SLCO1C1: variants seen among roughly 807,000 people sequenced by gnomAD.
SLCO1C1 encodes the protein solute carrier organic anion transporter family member 1C1, also known as OAT-RP-5.
Under a neutral mutation model 76.4 loss-of-function variants are expected in SLCO1C1, and 70 were observed. The ratio of observed to expected loss-of-function variants is 0.92; its 90% confidence interval spans 0.76 to 1.12. The LOEUF is 1.12. SLCO1C1 is among the 50% of genes most tolerant of loss of function. The pLI is 0.00. For synonymous variants in SLCO1C1, 306 were observed against 286.1 expected, an observed-to-expected ratio of 1.07 and a Z score of -0.70; for missense variants, 912 against 823.8, an observed-to-expected ratio of 1.11 and a Z score of -1.31.
chr12:20,720,524 G>A (rs1947611917), intron 7 of SLCO1C1, among the ~76,000 whole-genome samples: 1 of 152,208 alleles, frequency 6.6e-6, no homozygotes, highest in South Asian at 2.1e-4. Flanking sequence ...TTCATAGGAG[G>A]AGGTCAAAAT....
Position 20,699,536 on chromosome 12 carries a change from A to C in SLCO1C1, c.-25-16A>C. The C allele has an allele frequency of 6.5e-7, 1 of 1,539,366 alleles. No homozygotes were observed. Among genetic ancestry groups the C allele is most frequent in the Non-Finnish European group, 8.7e-7 (1 of 1,149,680 alleles). On this transcript the variant is annotated splice_polypyrimidine_tract_variant and intron_variant, in intron 1 of 14. Transcript: ENST00000266509. ...TAGTATTTATTTATTTTTACTTTAA[A>C]AACTAACTTTGACAGATCAGAGTCA...
At chr12:20,751,791 G>A (rs1949320554) in intron 14 of SLCO1C1, among the ~76,000 whole-genome samples, 3 of 152,096 alleles carry the variant, frequency 2.0e-5, no homozygotes, top group Non-Finnish European at 4.4e-5. Flanking sequence ...GGTTTCTCAT[G>A]AAATAAACTG....
chr12:20,708,344 CA>C (rs1356180194), intron 4 of SLCO1C1, among the ~76,000 whole-genome samples: 1 of 151,896 alleles, frequency 6.6e-6, no homozygotes, highest in African/African-American at 2.4e-5. Flanking sequence ...TTTTTCTAGG[CA>C]GTAAAGAAAG....
At chr12:20,724,409 GTGTATATATATATATATA>G (rs1315329574) in intron 9 of SLCO1C1, among the ~76,000 whole-genome samples, 81 of 65,528 alleles carry the variant, frequency 1.2e-3, no homozygotes, top group African/African-American at 3.6e-3. Context: ...GTGTGTGTGT[GTGTATATATATATATATA>G]TATATATATA....
intron 14 of SLCO1C1, chr12:20,751,032 CAA>C: frequency 1.3e-6 from 1 of 748,266 alleles, no homozygotes; most frequent in Non-Finnish European, 2.1e-6. Context: ...TAAAATATGA[CAA>C]AAGTGTCCAG....
At chr12:20,698,176 TTAA>T (rs1474708533) in intron 1 of SLCO1C1, among the ~76,000 whole-genome samples, 2 of 152,200 alleles carry the variant, frequency 1.3e-5, no homozygotes, top group East Asian at 3.9e-4. Flanking sequence ...TTTTATCTCA[TTAA>T]TATTATGTAT....
At chr12:20,747,202 A>C (rs1949085798) in intron 13 of SLCO1C1, among the ~76,000 whole-genome samples, 1 of 152,114 alleles carries the variant, frequency 6.6e-6, no homozygotes, top group Non-Finnish European at 1.5e-5. Flanking sequence ...AGGCGGGTGG[A>C]TATCTTGAGG....
intron 12 of SLCO1C1, 140 bp downstream of exon 12, chr12:20,740,508 T>C: frequency 1.4e-6 from 1 of 727,520 alleles, no homozygotes; most frequent in Non-Finnish European, 2.2e-6. Flanking sequence ...TTCACTTTTA[T>C]ATATATCGCA....
At chr12:20,713,665 C>T (rs946653654) in intron 5 of SLCO1C1, among the ~76,000 whole-genome samples, 26 of 152,132 alleles carry the variant, frequency 1.7e-4, no homozygotes, top group African/African-American at 6.3e-4. Flanking sequence ...CCTCATCTCC[C>T]CTGCAACAAT....
At chr12:20,740,477 A>T in intron 12 of SLCO1C1, 109 bp downstream of exon 12, 1 of 972,428 alleles carries the variant, frequency 1.0e-6, no homozygotes, top group Non-Finnish European at 1.5e-6. Flanking sequence ...TTTTTTCAAG[A>T]AACTTGTCCC....
intron 12 of SLCO1C1, 92 bp downstream of exon 12, chr12:20,740,460 C>A: frequency 8.5e-7 from 1 of 1,179,886 alleles, no homozygotes; most frequent in Non-Finnish European, 1.2e-6. Flanking sequence ...TCTATGATTC[C>A]TCTTAGTTTT....
At position 20,740,785 on chromosome 12, in the gene SLCO1C1, ATT is replaced by A. The variant is rs1491284621; in HGVS notation, c.1733+419_1733+420del. Among the ~76,000 whole-genome samples, 171 of 86,068 alleles carry A rather than the reference ATT, an allele frequency of 2.0e-3. 9 individuals are homozygous for A. In the South Asian group the frequency reaches 0.032, roughly 16 times the overall value. 56.5% of individuals were successfully genotyped at this position (86,068 alleles called of 152,430 possible). A position where few individuals can be genotyped will look rare whatever the true frequency, so the allele number is the denominator to read the frequency against. On this transcript the variant is annotated intron_variant, in intron 12 of 14. Transcript: ENST00000266509. The stretch of plus-strand genomic sequence containing the variant: ...ATACAACAATGTTAGAATTTATTTT[ATT>A]TATATATATATATATATATATATAT...
At position 20,737,084 on chromosome 12, in the gene SLCO1C1, T is replaced by C. The variant is rs1252533248; in HGVS notation, c.1383-23T>C. On this transcript the variant is annotated intron_variant, in intron 10 of 14. Coordinates refer to ENST00000266509, the MANE Select transcript of SLCO1C1 (RefSeq NM_017435.5). ...TGCTACCTGCTAAGAGGTAATATTT[T>C]ATATTGTTATATTTCTTTTCAGAAC... The C allele has an allele frequency of 7.5e-6, 11 of 1,473,138 alleles. No homozygotes were observed. In the African/African-American group the frequency reaches 1.0e-4, roughly 14 times the overall value. 91.3% of individuals were successfully genotyped at this position (1,473,138 alleles called of 1,614,324 possible). A position where few individuals can be genotyped will look rare whatever the true frequency, so the allele number is the denominator to read the frequency against.
In SLCO1C1 at chr12:20,717,648, CTTTTTTTTTTTTT is replaced by C. The variant is rs534946900; in HGVS notation, c.775+450_775+462del. ...GTCTACTGGCAACCAAACAGCCCTT[CTTTTTTTTTTTTT>C]TTTTTTTTTTTTTTTTTTTTTTTTT... On this transcript the variant is annotated intron_variant, in intron 7 of 14. Transcript: ENST00000266509. Among the ~76,000 whole-genome samples the C allele has an allele frequency of 3.5e-4, 15 of 42,272 alleles. No homozygotes were observed. In the South Asian group the frequency reaches 5.0e-3, roughly 14 times the overall value. The allele number at this position is 42,272 out of a possible 152,430, so 27.7% of individuals were successfully genotyped here.
intron 11 of SLCO1C1, among the ~76,000 whole-genome samples, 164 bp from the exon 12 acceptor site, chr12:20,740,020 A>G (rs1304328945): frequency 1.3e-5 from 2 of 152,246 alleles, no homozygotes; most frequent in Non-Finnish European, 2.9e-5. Flanking sequence ...TGTTGTATCT[A>G]TATAGATTTT....
chr12:20,728,879 G>T (rs978717365), intron 9 of SLCO1C1, among the ~76,000 whole-genome samples: 1 of 151,926 alleles, frequency 6.6e-6, no homozygotes. Flanking sequence ...ATAATAAAAT[G>T]TAACAACAAT....
chr12:20,721,802 A>T lies in SLCO1C1; in HGVS notation c.776-2A>T. 2 of 1,613,906 alleles carry T rather than the reference A, an allele frequency of 1.2e-6. No homozygotes were observed. The highest frequency in any genetic ancestry group is 1.7e-6 in the Non-Finnish European group (2 of 1,179,838). ...TACTTAGCCATCCCCTCTGTCTTTCAGATCACATAACCATTACCCCAAAAG... is the reference window on the plus strand; with the variant it reads ...TACTTAGCCATCCCCTCTGTCTTTCTGATCACATAACCATTACCCCAAAAG... On this transcript the variant is annotated splice_acceptor_variant, in intron 7 of 14. Transcript: ENST00000266509. LOFTEE classifies it high-confidence loss of function.
intron 1 of SLCO1C1, among the ~76,000 whole-genome samples, chr12:20,699,339 G>T (rs536081976): frequency 6.6e-6 from 1 of 152,050 alleles, no homozygotes; most frequent in East Asian, 2.0e-4. Context: ...GGCAGATTGA[G>T]AAAGAATGCT....
rs778728397 is a variant in SLCO1C1, at chr12:20,752,773, T to G, written c.*245T>G. ...AATTATTTTATATCACTTACTTATTTCACTTTATTTTGCTTTGTGCTCATT... is the reference window on the plus strand; with the variant it reads ...AATTATTTTATATCACTTACTTATTGCACTTTATTTTGCTTTGTGCTCATT... On this transcript the variant is annotated 3_prime_UTR_variant, in exon 15 of 15. Transcript: ENST00000266509. The G allele has an allele frequency of 1.1e-3, 308 of 269,116 alleles. 2 individuals are homozygous for G. Among genetic ancestry groups the G allele is most frequent in the Non-Finnish European group, 1.8e-3 (258 of 145,272 alleles). The allele number at this position is 269,116 out of a possible 1,614,324, so 16.7% of individuals were successfully genotyped here. A position where few individuals can be genotyped will look rare whatever the true frequency, so the allele number is the denominator to read the frequency against.
Sources: allele counts gnomAD v4.1 joint callset (sites outside exome capture counted in the v4.1 genomes callset), GRCh38; gene constraint gnomAD v4.1.1; transcripts MANE v1.5; gene names NCBI Gene and HGNC (gene_info 2026-07-23, HGNC 2026-07-21).